Variants in NOTCH2NLC observed in about 807,000 individuals in gnomAD.
The protein encoded by NOTCH2NLC is notch homolog 2 N-terminal-like protein C.
In NOTCH2NLC, 4 loss-of-function variants were observed where a neutral mutation model predicts 17.7. The observed-to-expected ratio is 0.23, with a 90% CI of 0.11 to 0.52. The LOEUF (loss-of-function observed/expected upper bound fraction) is 0.52, where lower values mean the gene tolerates loss of function less well. Ranked by LOEUF, NOTCH2NLC falls within the 20% of genes least tolerant of loss-of-function variation. NOTCH2NLC has a pLI of 0.96. For missense variants in NOTCH2NLC, 57 were observed against 207.2 expected (o/e 0.28, Z 4.45); for synonymous variants, 18 against 86.0 (o/e 0.21, Z 4.38).
chr1:149,462,851 T>TTC lies in NOTCH2NLC; in HGVS notation c.470-639_470-638insCT, dbSNP rs1553707519. Among the ~76,000 whole-genome samples, 1,243 of 146,900 alleles carry TTC rather than the reference T, an allele frequency of 8.5e-3. 34 individuals carry two copies. The highest frequency in any genetic ancestry group is 0.029 in the African/African-American group (1,172 of 39,912). On this transcript the variant is annotated intron_variant, in intron 3 of 4. Coordinates refer to ENST00000650865, the MANE Select transcript of NOTCH2NLC (RefSeq NM_001364013.2). Reference sequence around the variant, plus strand: ...GAAGTTGATTTTTTTTTTTTTTTTTTTTGAAATGGAGTCTTGCTGTGTTGC... The same window carrying TTC: ...GAAGTTGATTTTTTTTTTTTTTTTTTTCTTGAAATGGAGTCTTGCTGTGTTGC...
chr1:149,461,734 A>G (rs1202497296), intron 3 of NOTCH2NLC, among the ~76,000 whole-genome samples: 4 of 151,260 alleles, frequency 2.6e-5, no homozygotes, highest in Non-Finnish European at 3.0e-5. Flanking sequence ...AACCAACCCA[A>G]ATGTCCATCA....
rs2084721991 is a variant in NOTCH2NLC at position 149,471,791 on chromosome 1, T to C, written c.*7638T>C. On this transcript the variant is annotated 3_prime_UTR_variant, in exon 5 of 5. Coordinates refer to ENST00000650865, the MANE Select transcript of NOTCH2NLC (RefSeq NM_001364013.2). ...TTTTTGTGATATATGAATTATACTATGGAACTAATAATAACAGTAATAAAG... is the reference window on the plus strand; with the variant it reads ...TTTTTGTGATATATGAATTATACTACGGAACTAATAATAACAGTAATAAAG... 7.0e-6 allele frequency among the ~76,000 whole-genome samples: 1 copy of C among 142,232 alleles called. No individual in the cohort carries two copies. The allele number at this position is 142,232 out of a possible 152,430, so 93.3% of individuals were successfully genotyped here.
chr1:149,462,833 A>ATTTTTTTT (rs878889477), intron 3 of NOTCH2NLC, among the ~76,000 whole-genome samples: 1 of 117,092 alleles, frequency 8.5e-6, no homozygotes. Context: ...CGGGAAGTTG[A>ATTTTTTTT]TTTTTTTTTT....
At chr1:149,449,901 G>C (rs2084581896) in intron 2 of NOTCH2NLC, among the ~76,000 whole-genome samples, 1 of 149,474 alleles carries the variant, frequency 6.7e-6, no homozygotes, top group Non-Finnish European at 1.5e-5. Flanking sequence ...GTGGCCTTTT[G>C]TGTGTGGCTT....
rs1194730482 is a variant in NOTCH2NLC at position 149,398,285 on chromosome 1, A to G, written c.135+7363A>G. 3.0e-3 allele frequency among the ~76,000 whole-genome samples: 447 copies of G among 149,824 alleles called. 6 individuals carry two copies. Among genetic ancestry groups the G allele is most frequent in the African/African-American group, 0.01 (418 of 40,440 alleles). ...ACCCCTTTGTCTGGTGAGGGTGTAA[A>G]TATAAATTTGGCACATGTTGTTGTG... is the stretch of plus-strand genomic sequence containing the variant. On this transcript the variant is annotated intron_variant, in intron 1 of 4. Coordinates refer to ENST00000650865, the MANE Select transcript of NOTCH2NLC (RefSeq NM_001364013.2).
In NOTCH2NLC at chr1:149,427,042, A is replaced by G. The variant is rs1164574217; in HGVS notation, c.136-3900A>G. ...TAGAATTGTCAATTTATAGTTGTAT[A>G]CATTTATAGGGTACAAAGTGATGTT... is the stretch of plus-strand genomic sequence containing the variant. On this transcript the variant is annotated intron_variant, in intron 1 of 4. Coordinates refer to ENST00000650865, the MANE Select transcript of NOTCH2NLC (RefSeq NM_001364013.2). 1.6e-3 allele frequency among the ~76,000 whole-genome samples: 247 copies of G among 150,964 alleles called. 5 individuals carry two copies. Among genetic ancestry groups the G allele is most frequent in the East Asian group, 0.015 (75 of 5,104 alleles).
At position 149,465,954 on chromosome 1, in the gene NOTCH2NLC, C is replaced by T. The variant is rs1230681115; in HGVS notation, c.*1801C>T. On this transcript the variant is annotated 3_prime_UTR_variant, in exon 5 of 5. Coordinates refer to ENST00000650865, the MANE Select transcript of NOTCH2NLC (RefSeq NM_001364013.2). ...GACCAGGTATTATTTTTCAAGTCTT[C>T]CCACATGAAGTAACTGAAGTTTGGA... 2.4e-4 allele frequency: 4 copies of T among 16,744 alleles called. No individual in the cohort carries two copies. The highest frequency in any genetic ancestry group is 1.0e-3 in the African/African-American group (4 of 3,950). The allele number at this position is 16,744 out of a possible 1,614,324, so 1.0% of individuals were successfully genotyped here.
intron 2 of NOTCH2NLC, among the ~76,000 whole-genome samples, chr1:149,445,028 T>C (rs1327438886): frequency 1.4e-5 from 2 of 147,098 alleles, no homozygotes; most frequent in African/African-American, 2.5e-5. Flanking sequence ...CTTCTCTTTT[T>C]TTCCCCTCTT....
rs1380942227 is a variant in NOTCH2NLC, at chr1:149,468,987, C to T, written c.*4834C>T. ...TTTTTTTTTTTTTTTTTTTTTGAGA[C>T]GGAGCATCGCTCTTTCTCCCAGGCT... On this transcript the variant is annotated 3_prime_UTR_variant, in exon 5 of 5. Coordinates refer to ENST00000650865, the MANE Select transcript of NOTCH2NLC (RefSeq NM_001364013.2). 1.3e-4 allele frequency among the ~76,000 whole-genome samples: 11 copies of T among 83,904 alleles called. No individual in the cohort carries two copies. Among genetic ancestry groups the T allele is most frequent in the South Asian group, 4.8e-4 (1 of 2,062 alleles). The allele number at this position is 83,904 out of a possible 152,430, so 55.0% of individuals were successfully genotyped here. A position where few individuals can be genotyped will look rare whatever the true frequency, so the allele number is the denominator to read the frequency against.
chr1:149,433,948 C>CAA (rs1167291606), intron 2 of NOTCH2NLC, among the ~76,000 whole-genome samples: 35 of 105,150 alleles, frequency 3.3e-4, no homozygotes, highest in African/African-American at 1.1e-3. Flanking sequence ...ACTGTGTCTC[C>CAA]AAAAAAAAAA....
Position 149,390,755 on chromosome 1 carries a change from A to G in NOTCH2NLC, c.-33A>G. On this transcript the variant is annotated 5_prime_UTR_variant, in exon 1 of 5. Transcript: ENST00000650865. ...CTTTGAAGCAGGAGGAGGGGAGGAG[A>G]GAGTGGGGCTCCTCTATCGGGACCC... 1 of 1,225,136 alleles carries G rather than the reference A, an allele frequency of 8.2e-7. No homozygotes were observed. The allele number at this position is 1,225,136 out of a possible 1,614,324, so 75.9% of individuals were successfully genotyped here.
intron 1 of NOTCH2NLC, among the ~76,000 whole-genome samples, chr1:149,428,307 G>A (rs1169847068): frequency 3.4e-5 from 5 of 145,024 alleles, no homozygotes; most frequent in Admixed American, 1.4e-4. Context: ...TTTGAGAACC[G>A]TGGCTCAGTA....
rs2084703273 is a variant in NOTCH2NLC at position 149,469,204 on chromosome 1, A to G, written c.*5051A>G. ...GGCCTCGAACTCCTGATCTCAGGTG[A>G]TCCACCTGCCTCGGCTTCTCAAAGT... On this transcript the variant is annotated 3_prime_UTR_variant, in exon 5 of 5. Transcript: ENST00000650865. Among the ~76,000 whole-genome samples the G allele has an allele frequency of 1.4e-5, 2 of 139,480 alleles. No homozygotes were observed. 91.5% of individuals were successfully genotyped at this position (139,480 alleles called of 152,430 possible). A position where few individuals can be genotyped will look rare whatever the true frequency, so the allele number is the denominator to read the frequency against.
At chr1:149,457,605 G>C (rs1486721912) in intron 3 of NOTCH2NLC, among the ~76,000 whole-genome samples, 1 of 150,466 alleles carries the variant, frequency 6.6e-6, no homozygotes, top group African/African-American at 2.4e-5. Flanking sequence ...TCCCACAATA[G>C]GCTGTCTGCA....
At position 149,471,817 on chromosome 1, in the gene NOTCH2NLC, C is replaced by T. The variant is rs2084722491; in HGVS notation, c.*7664C>T. Among the ~76,000 whole-genome samples the T allele has an allele frequency of 8.3e-6, 1 of 120,338 alleles. No individual in the cohort carries two copies. 78.9% of individuals were successfully genotyped at this position (120,338 alleles called of 152,430 possible). A position where few individuals can be genotyped will look rare whatever the true frequency, so the allele number is the denominator to read the frequency against. ...GGAACTAATAATAACAGTAATAAAGCAAGGTGTCTTTCCACATCTCCATGC... is the reference window on the plus strand; with the variant it reads ...GGAACTAATAATAACAGTAATAAAGTAAGGTGTCTTTCCACATCTCCATGC... On this transcript the variant is annotated 3_prime_UTR_variant, in exon 5 of 5. Coordinates refer to ENST00000650865, the MANE Select transcript of NOTCH2NLC (RefSeq NM_001364013.2).
intron 1 of NOTCH2NLC, among the ~76,000 whole-genome samples, chr1:149,402,006 G>T (rs1426009454): frequency 7.1e-6 from 1 of 140,952 alleles, no homozygotes; most frequent in South Asian, 2.4e-4. Context: ...CCTCACAGGG[G>T]CTAGGTGACT....
At chr1:149,450,643 AAGCC>A (rs2084586202) in intron 2 of NOTCH2NLC, among the ~76,000 whole-genome samples, 1 of 144,170 alleles carries the variant, frequency 6.9e-6, no homozygotes, top group Admixed American at 6.9e-5. Flanking sequence ...AATGGGGGAA[AAGCC>A]AGCAACAAGA....
intron 1 of NOTCH2NLC, among the ~76,000 whole-genome samples, chr1:149,425,537 G>C (rs1322193059): frequency 6.6e-6 from 1 of 150,842 alleles, no homozygotes; most frequent in Non-Finnish European, 1.5e-5. Context: ...GCCAGCATGG[G>C]AGCCTAGACT....
At chr1:149,400,140 T>TATATATATA (rs1177183791) in intron 1 of NOTCH2NLC, among the ~76,000 whole-genome samples, 17 of 124,158 alleles carry the variant, frequency 1.4e-4, no homozygotes, top group African/African-American at 3.3e-4. Context: ...ATAATATATA[T>TATATATATA]TTTTTTTTTA....
Sources: gnomAD v4.1 joint callset for allele counts (sites outside exome capture counted in the v4.1 genomes callset) on GRCh38, gnomAD v4.1.1 for gene constraint, MANE v1.5 for transcripts, NCBI Gene and HGNC (gene_info 2026-07-23, HGNC 2026-07-21) for gene names.